Variants in TSPAN3 observed in about 807,000 individuals in gnomAD.
The protein encoded by TSPAN3 is tetraspanin 3, also known as tetraspanin-3.
Under a neutral mutation model 31.1 loss-of-function variants are expected in TSPAN3, and 9 were observed. The ratio of observed to expected loss-of-function variants is 0.29; its 90% CI spans 0.17 to 0.50. The LOEUF is 0.50. Among genes scored for constraint, TSPAN3 ranks in the 20% least tolerant of loss-of-function variants. The pLI is 0.98. For synonymous variants in TSPAN3, 129 were observed against 114.3 expected (o/e 1.13, Z -0.82); for missense variants, 252 against 313.5 (o/e 0.80, Z 1.48).
intron 1 of TSPAN3, among the ~76,000 whole-genome samples, chr15:77,068,949 G>A (rs2076849931): frequency 6.6e-6 from 1 of 152,196 alleles, no homozygotes; most frequent in African/African-American, 2.4e-5. Context: ...GTGAATATAT[G>A]CGTGCAAGTG....
At chr15:77,057,072 G>T (rs922712710) in intron 1 of TSPAN3, among the ~76,000 whole-genome samples, 9 of 152,192 alleles carry the variant, frequency 5.9e-5, no homozygotes, top group Non-Finnish European at 1.3e-4. Context: ...AGTGATAGGT[G>T]TGTCTTATTT....
intron 1 of TSPAN3, among the ~76,000 whole-genome samples, chr15:77,061,190 G>T (rs955295589): frequency 2.6e-5 from 4 of 152,026 alleles, no homozygotes; most frequent in African/African-American, 7.3e-5. Flanking sequence ...AGTTTTTGGG[G>T]GGGTAATTTT....
chr15:77,063,846 G>A (rs1169446142), intron 1 of TSPAN3: 1 of 152,040 alleles, frequency 6.6e-6, no homozygotes, highest in East Asian at 1.9e-4. Context: ...CAGACAGTAG[G>A]GCTCCAGAGG....
intron 1 of TSPAN3, among the ~76,000 whole-genome samples, chr15:77,062,437 CAA>C (rs1369166462): frequency 6.6e-6 from 1 of 152,148 alleles, no homozygotes; most frequent in Non-Finnish European, 1.5e-5. Flanking sequence ...AAGGCCATTC[CAA>C]AGACTCCAAA....
intron 1 of TSPAN3, among the ~76,000 whole-genome samples, chr15:77,056,761 C>T (rs2076771350): frequency 6.6e-6 from 1 of 152,168 alleles, no homozygotes; most frequent in African/African-American, 2.4e-5. Flanking sequence ...ATACCCACCC[C>T]ACTTCCAAAA....
chr15:77,059,645 A>G (rs2076789138), intron 1 of TSPAN3, among the ~76,000 whole-genome samples: 1 of 152,170 alleles, frequency 6.6e-6, no homozygotes, highest in African/African-American at 2.4e-5. Flanking sequence ...TTTACTCTAA[A>G]AGGCAGTATT....
In TSPAN3 at chr15:77,042,848, G is replaced by A. The variant is rs1321265490; in HGVS notation, c.*3987C>T. On this transcript the variant is annotated 3_prime_UTR_variant, in exon 7 of 7. Transcript: ENST00000267970. Reference sequence around the variant, plus strand: ...CTTATTAGTTGAAAAGAAAAAAACAGTAACCATGCTATGGAGAAAGTGGAC... The same window carrying A: ...CTTATTAGTTGAAAAGAAAAAAACAATAACCATGCTATGGAGAAAGTGGAC... The A allele has an allele frequency of 1.3e-5, 2 of 152,052 alleles. No individual in the cohort carries two copies. Among genetic ancestry groups the A allele is most frequent in the African/African-American group, 2.4e-5 (1 of 41,390 alleles). 9.4% of individuals were successfully genotyped at this position (152,052 alleles called of 1,614,324 possible).
intron 1 of TSPAN3, among the ~76,000 whole-genome samples, chr15:77,059,516 C>A (rs922687262): frequency 6.6e-6 from 1 of 152,172 alleles, no homozygotes; most frequent in Non-Finnish European, 1.5e-5. Flanking sequence ...ACACATTTTG[C>A]TAAAGTAAAT....
At chr15:77,055,686 G>T in intron 3 of TSPAN3, 103 bp downstream of exon 3, 1 of 917,446 alleles carries the variant, frequency 1.1e-6, no homozygotes, top group Non-Finnish European at 1.7e-6. Flanking sequence ...AACAAGTAAG[G>T]CAAAAGAAAA....
At chr15:77,047,006 G>C (rs2076696985) in intron 6 of TSPAN3, 79 bp from the exon 7 acceptor site, 1 of 1,198,320 alleles carries the variant, frequency 8.3e-7, no homozygotes, top group Non-Finnish European at 1.2e-6. Context: ...GTTGGTAAAA[G>C]AGCTGTTTCA....
In TSPAN3 at chr15:77,066,441, G is replaced by A. The variant is rs1311521179; in HGVS notation, c.63+4451C>T. ...ACGAAAATTAGCTGGGCATGGTGGCGCACGCCTGTAGTCCCAGCTACTCGG... is the reference window on the plus strand; with the variant it reads ...ACGAAAATTAGCTGGGCATGGTGGCACACGCCTGTAGTCCCAGCTACTCGG... On this transcript the variant is annotated intron_variant, in intron 1 of 6. Transcript: ENST00000267970. 2.6e-5 allele frequency among the ~76,000 whole-genome samples: 4 copies of A among 151,778 alleles called. No individual in the cohort carries two copies. In the East Asian group the frequency reaches 7.7e-4, roughly 29 times the overall value.
At chr15:77,048,206 C>T (rs1437602549) in intron 6 of TSPAN3, among the ~76,000 whole-genome samples, 1 of 152,142 alleles carries the variant, frequency 6.6e-6, no homozygotes, top group East Asian at 1.9e-4. Flanking sequence ...CGATGAAGTA[C>T]CTAATTCCTA....
chr15:77,056,342 G>A, intron 1 of TSPAN3, 87 bp from the exon 2 acceptor site: 1 of 1,067,874 alleles, frequency 9.4e-7, no homozygotes, highest in Non-Finnish European at 1.3e-6. Flanking sequence ...TTTAATGAGA[G>A]TTACCGTAAC....
At chr15:77,053,451 CAAAAAAAAAAAAAAAAAAAAAAAAAAAA>C (rs60483848) in intron 4 of TSPAN3, among the ~76,000 whole-genome samples, 6 of 50,378 alleles carry the variant, frequency 1.2e-4, no homozygotes, top group East Asian at 6.4e-4. Context: ...TTCGCCATCT[CAAAAAAAAAAAAAAAAAAAAAAAAAAAA>C]AAAAAAAAAA....
intron 6 of TSPAN3, 97 bp from the exon 7 acceptor site, chr15:77,047,024 A>G (rs555404506): frequency 3.4e-6 from 3 of 890,832 alleles, no homozygotes; most frequent in South Asian, 3.1e-5. Context: ...TCAAAGTTCA[A>G]TGACTTCAAA....
At position 77,045,283 on chromosome 15, in the gene TSPAN3, C is replaced by T. The variant is rs188028384; in HGVS notation, c.*1552G>A. The stretch of plus-strand genomic sequence containing the variant: ...ATTCCACCACTGTCCTGCCTCCAAA[C>T]AGCCAGAATCCACCGCTCACCACCG... On this transcript the variant is annotated 3_prime_UTR_variant, in exon 7 of 7. Transcript: ENST00000267970. 4.0e-3 allele frequency: 617 copies of T among 152,922 alleles called. 1 individual carries two copies. The highest frequency in any genetic ancestry group is 6.2e-3 in the Non-Finnish European group (424 of 68,410). 9.5% of individuals were successfully genotyped at this position (152,922 alleles called of 1,614,324 possible).
chr15:77,065,326 A>T (rs919925115), intron 1 of TSPAN3, among the ~76,000 whole-genome samples: 2 of 152,226 alleles, frequency 1.3e-5, no homozygotes, highest in Non-Finnish European at 2.9e-5. Context: ...TCATTTATCA[A>T]CAATATAAGC....
intron 1 of TSPAN3, among the ~76,000 whole-genome samples, chr15:77,066,088 T>C (rs1050655040): frequency 3.2e-4 from 49 of 152,194 alleles, no homozygotes; most frequent in African/African-American, 1.2e-3. Flanking sequence ...TAAAGGTAAT[T>C]TGTATAACAT....
At chr15:77,054,435 T>C (rs2076754531) in intron 3 of TSPAN3, 156 bp from the exon 4 acceptor site, 2 of 540,396 alleles carry the variant, frequency 3.7e-6, no homozygotes, top group East Asian at 3.1e-5. Context: ...CATCTTCATA[T>C]AGATATAGAT....
Sources: allele counts gnomAD v4.1 joint callset (sites outside exome capture counted in the v4.1 genomes callset), GRCh38; gene constraint gnomAD v4.1.1; transcripts MANE v1.5; gene names NCBI Gene and HGNC (gene_info 2026-07-23, HGNC 2026-07-21).